Variants in TUSC3 observed in about 807,000 individuals in gnomAD.
The protein encoded by TUSC3 is tumor suppressor candidate 3.
In TUSC3, 45 loss-of-function variants were observed where a neutral mutation model predicts 44.8. That is an observed-to-expected ratio of 1.00 (90% CI 0.79 to 1.29). The LOEUF is 1.29. TUSC3 is among the 50% of genes most tolerant of loss of function. TUSC3 has a pLI of 0.00. For missense variants in TUSC3, 519 were observed against 437.9 expected, an observed-to-expected ratio of 1.19 and a Z score of -1.65; for synonymous variants, 212 against 152.9, an observed-to-expected ratio of 1.39 and a Z score of -2.85.
chr8:15,634,430 G>C (rs1366187083), intron 2 of TUSC3, among the ~76,000 whole-genome samples: 2 of 152,204 alleles, frequency 1.3e-5, no homozygotes, highest in Non-Finnish European at 2.9e-5. Context: ...TCCTAAGAAA[G>C]ACTGAGCTAT....
chr8:15,485,238 G>A (rs530820371), intron 2 of TUSC3, among the ~76,000 whole-genome samples: 3 of 152,058 alleles, frequency 2.0e-5, no homozygotes, highest in African/African-American at 4.8e-5. Context: ...TTCAGACATC[G>A]GCAGTGCAGC....
At chr8:15,540,251 G>A, upstream of TUSC3, 2 of 861,570 alleles carry the variant, frequency 2.3e-6, no homozygotes, top group Non-Finnish European at 3.2e-6. Context: ...CCGGTGAACC[G>A]GATGCTCTGT....
chr8:15,752,091 T>A (rs190692508), intron 9 of TUSC3, among the ~76,000 whole-genome samples: 1 of 152,186 alleles, frequency 6.6e-6, no homozygotes, highest in East Asian at 1.9e-4. Context: ...ACAAGCTAAG[T>A]GGCTGGCAGA....
At chr8:15,726,461 C>CT (rs749912732) in intron 6 of TUSC3, among the ~76,000 whole-genome samples, 266 of 151,996 alleles carry the variant, frequency 1.8e-3, no homozygotes, top group Non-Finnish European at 3.2e-3. Context: ...TTTTATGAAC[C>CT]TTTTTTTATT....
At chr8:15,795,516 A>G in the TUSC3 span, among the ~76,000 whole-genome samples, 1 of 152,210 alleles carries the variant, frequency 6.6e-6, no homozygotes, top group Non-Finnish European at 1.5e-5. Context: ...CTTTGGATAA[A>G]CTAATGAGAG....
At chr8:15,462,109 T>C (rs1468112012) in intron 1 of TUSC3, among the ~76,000 whole-genome samples, 1 of 152,076 alleles carries the variant, frequency 6.6e-6, no homozygotes, top group African/African-American at 2.4e-5. Context: ...GAGAGAAGCA[T>C]TTAATAGCTT....
At chr8:15,852,085 A>G in the TUSC3 span, among the ~76,000 whole-genome samples, 19 of 152,250 alleles carry the variant, frequency 1.2e-4, no homozygotes, top group South Asian at 4.1e-4. Flanking sequence ...CTTTTTCGTT[A>G]TAAATTACAC....
chr8:15,485,840 T>A (rs1196019757), intron 2 of TUSC3, among the ~76,000 whole-genome samples: 2 of 152,174 alleles, frequency 1.3e-5, no homozygotes, highest in Non-Finnish European at 2.9e-5. Flanking sequence ...TTGCCCAGGC[T>A]GGAGTGCAAT....
chr8:15,487,622 T>C (rs1287728972), intron 2 of TUSC3, among the ~76,000 whole-genome samples: 1 of 152,220 alleles, frequency 6.6e-6, no homozygotes, highest in Non-Finnish European at 1.5e-5. Context: ...TTTTAGATTC[T>C]CAATCTTTCT....
chr8:15,740,755 A>G (rs956755088), intron 7 of TUSC3, among the ~76,000 whole-genome samples: 1 of 152,190 alleles, frequency 6.6e-6, no homozygotes, highest in Non-Finnish European at 1.5e-5. Flanking sequence ...ACACTTACCA[A>G]ACCTCTCAAA....
intron 6 of TUSC3, among the ~76,000 whole-genome samples, chr8:15,701,320 A>G (rs1809395059): frequency 6.6e-6 from 1 of 152,164 alleles, no homozygotes; most frequent in South Asian, 2.1e-4. Flanking sequence ...TACCTTGCCT[A>G]TGCTTGAAGT....
chr8:15,429,545 A>C (rs533738992), intron 1 of TUSC3, among the ~76,000 whole-genome samples: 5 of 146,454 alleles, frequency 3.4e-5, no homozygotes, highest in African/African-American at 1.4e-4. Context: ...CATTGAATCT[A>C]TAAATTACCT....
chr8:15,669,236 A>G (rs989516444), intron 5 of TUSC3, among the ~76,000 whole-genome samples: 1 of 151,884 alleles, frequency 6.6e-6, no homozygotes, highest in African/African-American at 2.4e-5. Context: ...TTCATACTCC[A>G]GTATGGATTG....
At chr8:15,733,652 T>C (rs1263503746) in intron 7 of TUSC3, 2 of 155,814 alleles carry the variant, frequency 1.3e-5, no homozygotes, top group East Asian at 1.9e-4. Context: ...TTTATGCTAA[T>C]AGTCATTATT....
the TUSC3 span, among the ~76,000 whole-genome samples, chr8:15,804,521 C>T: frequency 4.0e-5 from 6 of 151,798 alleles, no homozygotes; most frequent in South Asian, 2.1e-4. Context: ...TGAGAGGTTG[C>T]GGTTATTCTT....
the TUSC3 span, among the ~76,000 whole-genome samples, chr8:15,781,045 C>A: frequency 6.6e-6 from 1 of 152,056 alleles, no homozygotes; most frequent in Admixed American, 6.5e-5. Flanking sequence ...GTTAAAGGGA[C>A]AGACAAACAG....
intron 1 of TUSC3, among the ~76,000 whole-genome samples, chr8:15,599,626 T>C (rs1804199883): frequency 6.6e-6 from 1 of 151,602 alleles, no homozygotes; most frequent in African/African-American, 2.4e-5. Context: ...TCTAGATTCA[T>C]TTTTTTGCAT....
Position 15,730,691 on chromosome 8 carries a change from C to T in TUSC3, c.824C>T (p.Ala275Val), listed in dbSNP as rs1360500010. 4 of 1,613,148 alleles carry T rather than the reference C, an allele frequency of 2.5e-6. No individual in the cohort carries two copies. The highest frequency in any genetic ancestry group is 1.1e-5 in the South Asian group (1 of 91,028). Residue 275 changes from alanine to valine, a missense_variant, in exon 7 of 11, where the codon GCT (alanine) becomes GTT (valine). Transcript: ENST00000503731. ...QVSYIHGSSQAQFVAESHIIL... is the reference protein window; with the variant it reads ...QVSYIHGSSQVQFVAESHIIL... The stretch of plus-strand genomic sequence containing the variant: ...AGCTACATTCATGGGAGCAGCCAGG[C>T]TCAGTTTGTGGCAGAATCACACATT...
chr8:15,503,484 T>A (rs775337166), intron 2 of TUSC3, among the ~76,000 whole-genome samples: 1 of 152,136 alleles, frequency 6.6e-6, no homozygotes, highest in Admixed American at 6.6e-5. Flanking sequence ...CTCAATAATA[T>A]GTATTTTCAA....
Sources: gnomAD v4.1 joint callset for allele counts (sites outside exome capture counted in the v4.1 genomes callset) on GRCh38, gnomAD v4.1.1 for gene constraint, MANE v1.5 for transcripts, NCBI Gene and HGNC (gene_info 2026-07-23, HGNC 2026-07-21) for gene names.